JCAD: variants seen among roughly 807,000 people sequenced by gnomAD.
JCAD encodes the protein junctional cadherin 5-associated protein.
Under a neutral mutation model 98.0 loss-of-function variants are expected in JCAD, and 40 were observed. The observed-to-expected ratio is 0.41, with a 90% CI of 0.32 to 0.53. JCAD has a LOEUF of 0.53. Ranked by LOEUF, JCAD falls within the 20% of genes least tolerant of loss-of-function variation. The pLI is 0.31. For synonymous variants in JCAD, 691 were observed against 682.3 expected, an observed-to-expected ratio of 1.01 and a Z score of -0.20; for missense variants, 1,705 against 1,738.1, an observed-to-expected ratio of 0.98 and a Z score of 0.34.
In JCAD at chr10:30,015,424, A is replaced by G. The variant is rs184817439; in HGVS notation, c.*2459T>C. 1.8e-4 allele frequency: 28 copies of G among 152,354 alleles called. No individual in the cohort carries two copies. The South Asian group carries it at 4.3e-3, about 24-fold the overall frequency. The allele number at this position is 152,354 out of a possible 1,614,324, so 9.4% of individuals were successfully genotyped here. A position where few individuals can be genotyped will look rare whatever the true frequency, so the allele number is the denominator to read the frequency against. Reference sequence around the variant, plus strand: ...TTTACCTTAGAATATGAAAGTTTAAAGGTCAAATTTTCAAGTTAAACTTTT... The same window carrying G: ...TTTACCTTAGAATATGAAAGTTTAAGGGTCAAATTTTCAAGTTAAACTTTT... On this transcript the variant is annotated 3_prime_UTR_variant, in exon 4 of 4. Coordinates refer to ENST00000375377, the MANE Select transcript of JCAD (RefSeq NM_020848.4).
intron 2 of JCAD, among the ~76,000 whole-genome samples, 184 bp downstream of exon 2, chr10:30,047,348 G>A (rs561526075): frequency 1.3e-5 from 2 of 152,344 alleles, no homozygotes; most frequent in East Asian, 1.9e-4. Context: ...CAGCCTGGAC[G>A]ACAGAGCAAG....
At position 30,027,849 on chromosome 10, in the gene JCAD, T is replaced by A; in HGVS notation, c.2299A>T (p.Thr767Ser). 6.2e-7 allele frequency: 1 copy of A among 1,614,228 alleles called. No individual in the cohort carries two copies. The highest frequency in any genetic ancestry group is 2.2e-5 in the East Asian group (1 of 44,882). The change falls in exon 3 of 4, where the codon ACT (threonine) becomes TCT (serine). Residue 767 changes from threonine to serine, a missense_variant. Thr to Ser is a moderately conservative substitution (Grantham distance 58). Coordinates refer to ENST00000375377, the MANE Select transcript of JCAD (RefSeq NM_020848.4). Reference sequence around the variant, plus strand: ...GGTGCCTGGTCCACGGACAAGGAAGTCCTTGAGAACGCACTGTTGCTGGAT... The same window carrying A: ...GGTGCCTGGTCCACGGACAAGGAAGACCTTGAGAACGCACTGTTGCTGGAT... ...SPSSNSAFSRTSLSVDQAPTP... is the reference protein window; with the variant it reads ...SPSSNSAFSRSSLSVDQAPTP...
chr10:30,019,369 A>G (rs1027977974), intron 3 of JCAD, among the ~76,000 whole-genome samples: 4 of 151,324 alleles, frequency 2.6e-5, no homozygotes, highest in Non-Finnish European at 5.9e-5. Flanking sequence ...AAAAAAAAAA[A>G]AAAAAAAAGA....
chr10:30,082,117 A>G (rs1838097201), intron 1 of JCAD, among the ~76,000 whole-genome samples: 1 of 152,208 alleles, frequency 6.6e-6, no homozygotes, highest in Non-Finnish European at 1.5e-5. Flanking sequence ...TTATGAATAT[A>G]TATTTATATC....
chr10:30,074,366 G>A (rs1380862439), intron 1 of JCAD, among the ~76,000 whole-genome samples: 1 of 152,156 alleles, frequency 6.6e-6, no homozygotes, highest in Admixed American at 6.5e-5. Context: ...TGTGTACCTT[G>A]AGCCAAATCC....
chr10:30,081,778 G>A (rs891385604), intron 1 of JCAD, among the ~76,000 whole-genome samples: 1 of 152,140 alleles, frequency 6.6e-6, no homozygotes, highest in Non-Finnish European at 1.5e-5. Flanking sequence ...CAGCAGTACC[G>A]ACATGCCGCT....
intron 1 of JCAD, among the ~76,000 whole-genome samples, chr10:30,050,581 A>T (rs1837448802): frequency 6.6e-6 from 1 of 152,242 alleles, no homozygotes; most frequent in South Asian, 2.1e-4. Flanking sequence ...TGCAGCACAC[A>T]GCTGGTTGTG....
At chr10:30,023,334 G>A (rs758149384) in intron 3 of JCAD, among the ~76,000 whole-genome samples, 13 of 152,166 alleles carry the variant, frequency 8.5e-5, no homozygotes, top group East Asian at 3.9e-4. Context: ...CACCACGCAC[G>A]GCCTGTACCT....
chr10:30,044,245 G>A (rs1647043929), intron 2 of JCAD, among the ~76,000 whole-genome samples: 1 of 152,170 alleles, frequency 6.6e-6, no homozygotes, highest in South Asian at 2.1e-4. Flanking sequence ...TGAATGCAAT[G>A]TTCTTCAGTT....
chr10:30,109,196 G>A lies in JCAD; in HGVS notation n.128+6171C>T, dbSNP rs1384973867. On this transcript the variant is annotated intron_variant and non_coding_transcript_variant, in intron 1 of 2. Coordinates refer to the JCAD transcript ENST00000465712. ...CCAAGCAGGGAGACTACGATTGGCG[G>A]AGCGGAATTGGCCTTGATGGGACAA... Among the ~76,000 whole-genome samples the A allele has an allele frequency of 2.0e-5, 3 of 152,188 alleles. No homozygotes were observed. The East Asian group carries it at 5.8e-4, about 29-fold the overall frequency.
In JCAD at chr10:30,028,723, C is replaced by A. The variant is rs757440430; in HGVS notation, c.1425G>T (p.Trp475Cys). The A allele has an allele frequency of 1.7e-5, 27 of 1,613,774 alleles. No homozygotes were observed. In the South Asian group the frequency reaches 3.0e-4, roughly 18 times the overall value. ...HGGMQPDGAI[W>C]NPQSLIPPSG... ...ACGGGGGTATTAAGCTCTGTGGATT[C>A]CAAATGGCACCATCAGGCTGCATTC... The change falls in exon 3 of 4, where the codon TGG (tryptophan) becomes TGT (cysteine). Residue 475 changes from tryptophan (W) to cysteine (C), a missense_variant. Physicochemically the swap from Trp to Cys is radical, Grantham distance 215. Around this residue, in one of 3 missense-constraint regions of JCAD, gnomAD observed 1,278 missense variants for 1,243.1 expected, o/e 1.03. Coordinates refer to ENST00000375377, the MANE Select transcript of JCAD (RefSeq NM_020848.4).
chr10:30,071,808 G>GC (rs1837896149), intron 1 of JCAD, among the ~76,000 whole-genome samples: 1 of 152,056 alleles, frequency 6.6e-6, no homozygotes, highest in Non-Finnish European at 1.5e-5. Flanking sequence ...TAAAAGACAA[G>GC]TTTTTACATG....
Position 30,029,434 on chromosome 10 carries a change from G to A in JCAD, c.714C>T (p.Pro238=), listed in dbSNP as rs368075343. 15 of 1,613,974 alleles carry A rather than the reference G, an allele frequency of 9.3e-6. No individual in the cohort carries two copies. The highest frequency in any genetic ancestry group is 3.3e-5 in the Admixed American group (2 of 59,992). ...GAATTTCCGTGCAACTCAGGCTCTC[G>A]GGGGAAAGAACTCTAGGCAGTGAGC... ...KSRSLPRVLS[P]ESLSCTEIPI... Residue 238 remains proline, a synonymous_variant, in exon 3 of 4, where the codon CCC becomes CCT. Coordinates refer to ENST00000375377, the MANE Select transcript of JCAD (RefSeq NM_020848.4).
At chr10:30,112,894 A>G (rs1040528861) in intron 1 of JCAD, among the ~76,000 whole-genome samples, 3 of 146,234 alleles carry the variant, frequency 2.1e-5, no homozygotes, top group Admixed American at 6.9e-5. Flanking sequence ...AAAAAAATCC[A>G]TAGAGATGAA....
At chr10:30,072,573 G>A (rs1046709080) in intron 1 of JCAD, among the ~76,000 whole-genome samples, 5 of 152,106 alleles carry the variant, frequency 3.3e-5, no homozygotes, top group African/African-American at 9.7e-5. Flanking sequence ...GTAAATTTAT[G>A]GATCATTTGA....
intron 2 of JCAD, among the ~76,000 whole-genome samples, chr10:30,038,488 A>G (rs1226179436): frequency 6.6e-6 from 1 of 151,906 alleles, no homozygotes; most frequent in Non-Finnish European, 1.5e-5. Flanking sequence ...GTTAGAGACC[A>G]GCCTGGGAAA....
intron 1 of JCAD, among the ~76,000 whole-genome samples, chr10:30,084,522 A>G (rs1049588699): frequency 3.9e-5 from 6 of 152,208 alleles, no homozygotes; most frequent in Non-Finnish European, 5.9e-5. Context: ...GAAGGACTCA[A>G]TAGAACAAAA....
rs79009660 is a variant in JCAD, at chr10:30,094,279, TAA to T, written n.128+21086_128+21087del. On this transcript the variant is annotated intron_variant and non_coding_transcript_variant, in intron 1 of 2. Coordinates refer to the JCAD transcript ENST00000465712. ...CAAAATGGTAAAACCCTGTCTCTAC[TAA>T]AAAAAAAAAAATACAAAAATTAGCC... Among the ~76,000 whole-genome samples, 12 of 144,328 alleles carry T rather than the reference TAA, an allele frequency of 8.3e-5. No homozygotes were observed. In the South Asian group the frequency reaches 2.0e-3, roughly 24 times the overall value. The allele number at this position is 144,328 out of a possible 152,430, so 94.7% of individuals were successfully genotyped here. A position where few individuals can be genotyped will look rare whatever the true frequency, so the allele number is the denominator to read the frequency against.
rs559092054 is a variant in JCAD, at chr10:30,075,917, AT to A, written n.129-6097del. ...CTGTATTATAGCACTATTTCCAAGC[AT>A]TGTCATTTGTTCTGAATCATCTACA... On this transcript the variant is annotated intron_variant and non_coding_transcript_variant, in intron 1 of 2. Transcript: ENST00000465712. Among the ~76,000 whole-genome samples the A allele has an allele frequency of 2.0e-5, 3 of 152,284 alleles. No homozygotes were observed. The South Asian group carries it at 6.2e-4, about 32-fold the overall frequency.
Sources: allele counts gnomAD v4.1 joint callset (sites outside exome capture counted in the v4.1 genomes callset), GRCh38; gene constraint gnomAD v4.1.1; regional missense constraint gnomAD v4.1.1; transcripts MANE v1.5; gene names NCBI Gene and HGNC (gene_info 2026-07-23, HGNC 2026-07-21).